PCP4: variants seen among roughly 807,000 people sequenced by gnomAD.
The protein encoded by PCP4 is calmodulin regulator protein PCP4.
A neutral mutation model predicts 10.0 loss-of-function variants in PCP4; 8 were observed. The observed-to-expected ratio is 0.80, with a 90% CI of 0.47 to 1.45. The LOEUF is 1.45. Ranked by LOEUF, PCP4 falls within the 40% of genes most tolerant of loss-of-function variation. The pLI is 0.00. For missense variants in PCP4, 54 were observed against 74.4 expected, an observed-to-expected ratio of 0.73 and a Z score of 1.01; for synonymous variants, 21 against 23.0, an observed-to-expected ratio of 0.91 and a Z score of 0.24.
rs532953997 is a variant in PCP4 at position 39,886,021 on chromosome 21, C to A, written c.10-12455C>A. On this transcript the variant is annotated intron_variant, in intron 1 of 2. Transcript: ENST00000328619. ...TCTTCTCCCTGTGTGTCCACACTGT[C>A]TTCCCTCTGCATGTCTGTGTTCAAA... 2.4e-4 allele frequency among the ~76,000 whole-genome samples: 37 copies of A among 152,310 alleles called. 1 individual carries two copies. In the South Asian group the frequency reaches 2.5e-3, roughly 10 times the overall value.
chr21:39,920,179 G>A (rs551442250), intron 2 of PCP4, among the ~76,000 whole-genome samples: 1 of 146,910 alleles, frequency 6.8e-6, no homozygotes, highest in South Asian at 2.2e-4. Flanking sequence ...TGATGTGTGT[G>A]GTGTGTGTTT....
intron 1 of PCP4, among the ~76,000 whole-genome samples, chr21:39,895,856 A>C (rs1425515449): frequency 6.6e-6 from 1 of 152,226 alleles, no homozygotes; most frequent in East Asian, 1.9e-4. Context: ...GGAATGGGGC[A>C]GCTCTTGGAG....
At chr21:39,878,353 G>A (rs981904840) in intron 1 of PCP4, among the ~76,000 whole-genome samples, 6 of 152,186 alleles carry the variant, frequency 3.9e-5, no homozygotes, top group Admixed American at 2.0e-4. Flanking sequence ...AGCACTCTGC[G>A]AATCTTAAAA....
intron 2 of PCP4, among the ~76,000 whole-genome samples, chr21:39,905,873 C>G (rs1057240359): frequency 6.6e-6 from 1 of 152,074 alleles, no homozygotes; most frequent in Non-Finnish European, 1.5e-5. Flanking sequence ...ACGGTGAAAC[C>G]CTGTCTCTAC....
chr21:39,892,067 C>T (rs932590032), intron 1 of PCP4, among the ~76,000 whole-genome samples: 2 of 152,194 alleles, frequency 1.3e-5, no homozygotes, highest in African/African-American at 4.8e-5. Flanking sequence ...GGAAAGGAGA[C>T]TCCCTTTTGC....
At chr21:39,895,324 G>A (rs2087451969) in intron 1 of PCP4, among the ~76,000 whole-genome samples, 2 of 152,234 alleles carry the variant, frequency 1.3e-5, no homozygotes, top group Non-Finnish European at 2.9e-5. Context: ...AGATCTGATA[G>A]CATTTCTGGA....
At chr21:39,870,758 G>A (rs2276519) in intron 1 of PCP4, among the ~76,000 whole-genome samples, 18 of 152,318 alleles carry the variant, frequency 1.2e-4, no homozygotes, top group South Asian at 6.2e-4. Flanking sequence ...TCCAGGTCAC[G>A]TAATCAAATG....
chr21:39,920,920 G>A (rs1262815771), intron 2 of PCP4, among the ~76,000 whole-genome samples: 1 of 152,228 alleles, frequency 6.6e-6, no homozygotes, highest in Admixed American at 6.5e-5. Context: ...TGGCTCCTTG[G>A]CAGAGGCCCC....
At chr21:39,876,690 T>G (rs2087347753) in intron 1 of PCP4, among the ~76,000 whole-genome samples, 1 of 152,202 alleles carries the variant, frequency 6.6e-6, no homozygotes, top group African/African-American at 2.4e-5. Context: ...TGAAACCTAA[T>G]TTTTAAATTG....
chr21:39,919,217 G>C (rs1601188387), intron 2 of PCP4, among the ~76,000 whole-genome samples: 3 of 152,178 alleles, frequency 2.0e-5, no homozygotes, highest in Admixed American at 2.0e-4. Context: ...CCTCGGTGTG[G>C]CCGAGGGGAT....
intron 1 of PCP4, among the ~76,000 whole-genome samples, chr21:39,883,854 G>A (rs2087387568): frequency 1.3e-5 from 2 of 152,086 alleles, no homozygotes; most frequent in Admixed American, 6.5e-5. Context: ...CTCTTCTTAA[G>A]CCTGTTTTAC....
At chr21:39,924,750 C>T (rs1293004823) in intron 2 of PCP4, among the ~76,000 whole-genome samples, 1 of 152,176 alleles carries the variant, frequency 6.6e-6, no homozygotes. Flanking sequence ...AACGGTGTCT[C>T]CATATGCTGC....
chr21:39,880,240 T>C (rs911351865), intron 1 of PCP4, among the ~76,000 whole-genome samples: 2 of 152,156 alleles, frequency 1.3e-5, no homozygotes, highest in Non-Finnish European at 2.9e-5. Flanking sequence ...GGCCCAAGCC[T>C]GACCATGGAG....
At chr21:39,926,135 C>T (rs535798098) in intron 2 of PCP4, 6 of 452,450 alleles carry the variant, frequency 1.3e-5, no homozygotes, top group Middle Eastern at 3.3e-4. Flanking sequence ...TGACCTTCCC[C>T]GCCGCCCCGG....
rs115956585 is a variant in PCP4, at chr21:39,904,504, C to T, written c.61+5977C>T. On this transcript the variant is annotated intron_variant, in intron 2 of 2. Transcript: ENST00000328619. The stretch of plus-strand genomic sequence containing the variant: ...ATGATTGAGTGATCACTATCATGCC[C>T]GAGAGAGGAGGTCAGTTTTGGCAGA... Among the ~76,000 whole-genome samples, 1,020 of 152,242 alleles carry T rather than the reference C, an allele frequency of 6.7e-3. 11 individuals are homozygous for T. Among genetic ancestry groups the T allele is most frequent in the African/African-American group, 0.016 (648 of 41,530 alleles).
chr21:39,867,918 C>A (rs2087302022), intron 1 of PCP4, among the ~76,000 whole-genome samples: 1 of 152,074 alleles, frequency 6.6e-6, no homozygotes. Context: ...GGGAAGGGGA[C>A]AAGGTGGGGA....
intron 2 of PCP4, among the ~76,000 whole-genome samples, chr21:39,903,647 T>A (rs952649416): frequency 6.6e-6 from 1 of 152,002 alleles, no homozygotes. Flanking sequence ...GGCGGGCGGA[T>A]CACGAGGTCA....
intron 2 of PCP4, among the ~76,000 whole-genome samples, chr21:39,914,880 C>T (rs938823546): frequency 1.2e-4 from 18 of 152,120 alleles, no homozygotes; most frequent in African/African-American, 4.3e-4. Context: ...AGGTGGTGAG[C>T]ACCCTCAGGA....
Position 39,867,448 on chromosome 21 carries a change from G to GA in PCP4, c.-53dup. 6.2e-7 allele frequency: 1 copy of GA among 1,610,096 alleles called. No homozygotes were observed. The highest frequency in any genetic ancestry group is 8.5e-7 in the Non-Finnish European group (1 of 1,176,354). On this transcript the variant is annotated 5_prime_UTR_variant, in exon 1 of 3. Transcript: ENST00000328619. The stretch of plus-strand genomic sequence containing the variant: ...CAGAACCGGTGGAGCAGCGACCCCT[G>GA]AGCAGTGTTCTCTGTGCTGAGCGGC...
Sources: allele counts gnomAD v4.1 joint callset (sites outside exome capture counted in the v4.1 genomes callset), GRCh38; gene constraint gnomAD v4.1.1; transcripts MANE v1.5; gene names NCBI Gene and HGNC (gene_info 2026-07-23, HGNC 2026-07-21).